The following SH3PXD2B variants were observed in gnomAD, a reference collection of about 807,000 sequenced individuals.
SH3PXD2B encodes SH3 and PX domains 2B.
Under a neutral mutation model 73.1 loss-of-function variants are expected in SH3PXD2B, and 37 were observed. That is an observed-to-expected ratio of 0.51 (90% CI 0.39 to 0.67). The LOEUF (loss-of-function observed/expected upper bound fraction) is 0.67. Ranked by LOEUF, SH3PXD2B falls within the 30% of genes least tolerant of loss-of-function variation. SH3PXD2B has a pLI of 0.00. For synonymous variants in SH3PXD2B, 457 were observed against 480.5 expected (o/e 0.95, Z 0.64); for missense variants, 1,053 against 1,197.8 (o/e 0.88, Z 1.78).
At chr5:172,417,523 T>C (rs943015436) in intron 2 of SH3PXD2B, among the ~76,000 whole-genome samples, 2 of 152,236 alleles carry the variant, frequency 1.3e-5, no homozygotes, top group African/African-American at 4.8e-5. Flanking sequence ...GAATAATCCA[T>C]CTTGACTGGG....
Position 172,339,344 on chromosome 5 carries a change from C to G in SH3PXD2B, c.1761G>C (p.Leu587=), listed in dbSNP as rs767653780. Residue 587 remains leucine (L), a synonymous_variant, in exon 13 of 13, where the codon CTG becomes CTC. Coordinates refer to ENST00000311601, the MANE Select transcript of SH3PXD2B (RefSeq NM_001017995.3). The surrounding 1 kb of genome is among the most constrained non-coding windows in gnomAD (Gnocchi z 6.1). ...GCCCCATGTCATTTTTCAGCTGGAA[C>G]AGTCTGCTTTTGTCAGGTTTGGGCT... ...RPEPKPDKSR[L]FQLKNDMGLE... is the part of the protein sequence containing the mutation. The G allele has an allele frequency of 1.2e-6, 2 of 1,614,224 alleles. No homozygotes were observed. The highest frequency in any genetic ancestry group is 1.7e-6 in the Non-Finnish European group (2 of 1,180,042).
chr5:172,395,225 C>A (rs1758267947), intron 3 of SH3PXD2B, among the ~76,000 whole-genome samples: 1 of 152,146 alleles, frequency 6.6e-6, no homozygotes, highest in Admixed American at 6.5e-5. Context: ...ATTTTTATAG[C>A]ACTTCTTCTG....
In SH3PXD2B at chr5:172,454,418, G is replaced by T; in HGVS notation, c.-66C>A. On this transcript the variant is annotated 5_prime_UTR_variant, in exon 1 of 13. Transcript: ENST00000311601. ...GTGGCGCGGGGTGCAGGGAGCGCTG[G>T]GGGCGCGCCGCCGCGGGCAGGGAAC... 9.4e-7 allele frequency: 1 copy of T among 1,064,530 alleles called. No individual in the cohort carries two copies. The highest frequency in any genetic ancestry group is 1.2e-6 in the Non-Finnish European group (1 of 852,826). 65.9% of individuals were successfully genotyped at this position (1,064,530 alleles called of 1,614,324 possible). A position where few individuals can be genotyped will look rare whatever the true frequency, so the allele number is the denominator to read the frequency against.
chr5:172,413,569 A>G (rs1758752039), intron 2 of SH3PXD2B, among the ~76,000 whole-genome samples: 1 of 152,224 alleles, frequency 6.6e-6, no homozygotes, highest in Admixed American at 6.5e-5. Flanking sequence ...AAAACAAATG[A>G]GAAAAAGTGG....
intron 2 of SH3PXD2B, 76 bp downstream of exon 2, chr5:172,422,340 C>G: frequency 1.5e-6 from 2 of 1,363,670 alleles, no homozygotes; most frequent in Middle Eastern, 1.8e-4. Flanking sequence ...ATTCTGGACT[C>G]TAAAGCTGTA....
At position 172,445,826 on chromosome 5, in the gene SH3PXD2B, G is replaced by C. The variant is rs531916173; in HGVS notation, c.75+8452C>G. Among the ~76,000 whole-genome samples the C allele has an allele frequency of 2.6e-4, 39 of 152,242 alleles. No individual in the cohort carries two copies. The highest frequency in any genetic ancestry group is 4.6e-4 in the Non-Finnish European group (31 of 68,048). Reference sequence around the variant, plus strand: ...CCACCTGAAGAAGACCCTGGGCTGAGAGTCATGCCCGCCTGCAGGTGTGCA... The same window carrying C: ...CCACCTGAAGAAGACCCTGGGCTGACAGTCATGCCCGCCTGCAGGTGTGCA... On this transcript the variant is annotated intron_variant, in intron 1 of 12. Transcript: ENST00000311601. The surrounding 1 kb of genome is among the most constrained non-coding windows in gnomAD (Gnocchi z 5.2).
intron 6 of SH3PXD2B, among the ~76,000 whole-genome samples, chr5:172,372,622 A>G (rs1464373485): frequency 6.6e-6 from 1 of 152,240 alleles, no homozygotes; most frequent in Non-Finnish European, 1.5e-5. Context: ...CATCAAGCAT[A>G]CATTACTGAC....
Position 172,339,964 on chromosome 5 carries a change from G to C in SH3PXD2B, c.1189-48C>G, listed in dbSNP as rs1444450952. The C allele has an allele frequency of 2.5e-6, 4 of 1,610,612 alleles. No individual in the cohort carries two copies. The highest frequency in any genetic ancestry group is 3.4e-6 in the Non-Finnish European group (4 of 1,178,436). On this transcript the variant is annotated intron_variant, in intron 12 of 12. Transcript: ENST00000311601. The surrounding 1 kb of genome is among the most constrained non-coding windows in gnomAD (Gnocchi z 6.1). ...GCACTTGGCTACGATGCCAGGGCCA[G>C]CAGATGGAATGGTTTGGCAGAACCC...
chr5:172,414,314 C>A (rs1472296915), intron 2 of SH3PXD2B, among the ~76,000 whole-genome samples: 1 of 151,776 alleles, frequency 6.6e-6, no homozygotes, highest in East Asian at 1.9e-4. Context: ...ACTAAAAATA[C>A]AAAAATTAGC....
chr5:172,401,707 T>C (rs146657171), intron 3 of SH3PXD2B, among the ~76,000 whole-genome samples: 9,241 of 152,236 alleles, frequency 0.061, 425 homozygotes, highest in African/African-American at 0.13. Flanking sequence ...TTCCCCAAAT[T>C]AATACTTTTA....
At chr5:172,373,445 C>T (rs1456937969) in intron 6 of SH3PXD2B, among the ~76,000 whole-genome samples, 1 of 152,232 alleles carries the variant, frequency 6.6e-6, no homozygotes, top group Non-Finnish European at 1.5e-5. Context: ...AGAAGTCTGC[C>T]TCCCCTTCTC....
At chr5:172,389,568 C>A (rs866965151) in intron 4 of SH3PXD2B, among the ~76,000 whole-genome samples, 62 of 103,498 alleles carry the variant, frequency 6.0e-4, no homozygotes, top group Non-Finnish European at 5.9e-4. Flanking sequence ...TCATCTCTAC[C>A]AAAAAAAAAA....
Position 172,334,922 on chromosome 5 carries a change from T to C in SH3PXD2B, c.*3447A>G. 1 of 985,438 alleles carries C rather than the reference T, an allele frequency of 1.0e-6. No homozygotes were observed. Among genetic ancestry groups the C allele is most frequent in the Non-Finnish European group, 1.2e-6 (1 of 829,946 alleles). 61.0% of individuals were successfully genotyped at this position (985,438 alleles called of 1,614,324 possible). A position where few individuals can be genotyped will look rare whatever the true frequency, so the allele number is the denominator to read the frequency against. ...AACATTGACTTGGAAATTGATTCTA[T>C]GGCGTGGCCTTGTGGCAGAGGTTTA... On this transcript the variant is annotated 3_prime_UTR_variant, in exon 13 of 13. Transcript: ENST00000311601.
At chr5:172,397,025 G>T (rs1243839805) in intron 3 of SH3PXD2B, among the ~76,000 whole-genome samples, 1 of 152,224 alleles carries the variant, frequency 6.6e-6, no homozygotes, top group Non-Finnish European at 1.5e-5. Flanking sequence ...CTGCCTGAGA[G>T]CCAGGCGGAA....
In SH3PXD2B at chr5:172,368,468, T is replaced by TATTA. The variant is rs1327821682; in HGVS notation, c.427+5321_427+5322insTAAT. On this transcript the variant is annotated intron_variant, in intron 6 of 12. Transcript: ENST00000311601. ...CTAAGAATGCTTATATATATATATA[T>TATTA]TATATATATATATAAAATATATATA... 3.8e-4 allele frequency among the ~76,000 whole-genome samples: 5 copies of TATTA among 12,998 alleles called. 1 individual carries two copies. The highest frequency in any genetic ancestry group is 1.9e-3 in the African/African-American group (5 of 2,596). The allele number at this position is 12,998 out of a possible 152,430, so 8.5% of individuals were successfully genotyped here.
chr5:172,332,085 C>T (rs940425716), downstream of SH3PXD2B, among the ~76,000 whole-genome samples: 1 of 152,104 alleles, frequency 6.6e-6, no homozygotes, highest in African/African-American at 2.4e-5. Flanking sequence ...AGGTTTGGTC[C>T]CTGATCATGG....
At chr5:172,365,701 T>C (rs1757504287) in intron 6 of SH3PXD2B, among the ~76,000 whole-genome samples, 1 of 152,224 alleles carries the variant, frequency 6.6e-6, no homozygotes, top group Non-Finnish European at 1.5e-5. Flanking sequence ...GTCCCCTTCC[T>C]GCTGGCCCCA....
chr5:172,368,579 TATATATATAAAATATG>T (rs1299485800), intron 6 of SH3PXD2B, among the ~76,000 whole-genome samples: 261 of 16,440 alleles, frequency 0.016, 33 homozygotes, highest in African/African-American at 0.062. Context: ...ATATGTTATA[TATATATATAAAATATG>T]TTATATATAT....
chr5:172,332,580 G>A (rs1054496395), downstream of SH3PXD2B, among the ~76,000 whole-genome samples: 1 of 97,122 alleles, frequency 1.0e-5, no homozygotes, highest in Admixed American at 1.1e-4. Context: ...CTTCTAATGG[G>A]GACACAGATT....
Sources: allele counts gnomAD v4.1 joint callset (sites outside exome capture counted in the v4.1 genomes callset), GRCh38; gene constraint gnomAD v4.1.1; non-coding constraint Gnocchi (gnomAD v3.1); transcripts MANE v1.5; gene names NCBI Gene and HGNC (gene_info 2026-07-23, HGNC 2026-07-21).